The following DOCK8 variants were observed in gnomAD, a reference collection of about 807,000 sequenced individuals.
DOCK8 encodes the protein dedicator of cytokinesis protein 8.
Under a neutral mutation model 245.6 loss-of-function variants are expected in DOCK8, and 141 were observed. The ratio of observed to expected loss-of-function variants is 0.57; its 90% confidence interval spans 0.50 to 0.66. The LOEUF is 0.66. Among genes scored for constraint, DOCK8 ranks in the 30% least tolerant of loss-of-function variants. DOCK8 has a pLI of 0.00. For synonymous variants in DOCK8, 1,168 were observed against 970.2 expected, an observed-to-expected ratio of 1.20 and a Z score of -3.79; for missense variants, 2,965 against 2,603.4, an observed-to-expected ratio of 1.14 and a Z score of -3.02.
At chr9:400,952 A>ACCCTCACCACCTTCT (rs1412533059) in intron 26 of DOCK8, among the ~76,000 whole-genome samples, 1 of 67,440 alleles carries the variant, frequency 1.5e-5, no homozygotes, top group Non-Finnish European at 3.6e-5. Context: ...CACCATCACC[A>ACCCTCACCACCTTCT]CCACCACCAC....
chr9:255,667 CCAAA>C (rs1340196021), intron 1 of DOCK8, among the ~76,000 whole-genome samples: 6 of 41,302 alleles, frequency 1.5e-4, no homozygotes, highest in African/African-American at 4.6e-4. Flanking sequence ...GACTCCATCT[CCAAA>C]AAAAAAAAAA....
rs188066644 is a variant in DOCK8 at position 340,380 on chromosome 9, G to A, written c.1679+59G>A. 1.7e-3 allele frequency: 2,682 copies of A among 1,605,716 alleles called. 6 individuals are homozygous for A. The highest frequency in any genetic ancestry group is 2.0e-3 in the Non-Finnish European group (2,358 of 1,175,534). The stretch of plus-strand genomic sequence containing the variant: ...CTTACACCATAATCCCATAACTTTG[G>A]GAGGCCGAGGCAGGAGGATTGCTTG... On this transcript the variant is annotated intron_variant, in intron 14 of 47. Transcript: ENST00000432829.
In DOCK8 at chr9:428,486, T is replaced by G. The variant is rs2056582767; in HGVS notation, c.4463T>G (p.Leu1488Arg). ...LTHCFATLRA[L>R]IAKFGDLLFE... is the part of the protein sequence containing the mutation. Reference sequence around the variant, plus strand: ...CACTGCTTTGCAACACTCCGTGCTCTCATCGCCAAGGTAAACTTGGGATGC... The same window carrying G: ...CACTGCTTTGCAACACTCCGTGCTCGCATCGCCAAGGTAAACTTGGGATGC... Residue 1488 changes from leucine to arginine, a missense_variant, in exon 35 of 48, where the codon CTC becomes CGC. Leu to Arg is a moderately radical substitution (Grantham distance 102). Coordinates refer to ENST00000432829, the MANE Select transcript of DOCK8 (RefSeq NM_203447.4). 6.2e-7 allele frequency: 1 copy of G among 1,614,082 alleles called. No homozygotes were observed. The highest frequency in any genetic ancestry group is 1.3e-5 in the African/African-American group (1 of 74,940).
intron 1 of DOCK8, among the ~76,000 whole-genome samples, chr9:258,167 C>T (rs11788897): frequency 0.021 from 3,168 of 152,320 alleles, 55 homozygotes; most frequent in South Asian, 0.048. Flanking sequence ...CCCCTTATAG[C>T]AAAGGCATGT....
intron 26 of DOCK8, among the ~76,000 whole-genome samples, chr9:400,024 TCCACCATCACCA>T (rs2054699675): frequency 3.9e-4 from 26 of 66,842 alleles, no homozygotes; most frequent in African/African-American, 1.9e-3. Context: ...CACCACCACC[TCCACCATCACCA>T]CCACCACCTC....
intron 33 of DOCK8, among the ~76,000 whole-genome samples, chr9:422,643 C>T (rs959496768): frequency 1.3e-5 from 2 of 152,086 alleles, no homozygotes; most frequent in African/African-American, 4.8e-5. Flanking sequence ...ATCTTAATGA[C>T]ATGGGGAAAT....
At chr9:347,062 C>T (rs1192192079) in intron 14 of DOCK8, among the ~76,000 whole-genome samples, 1 of 152,048 alleles carries the variant, frequency 6.6e-6, no homozygotes, top group Admixed American at 6.5e-5. Flanking sequence ...GTGTCCAGCC[C>T]CACCCTGAAG....
intron 1 of DOCK8, among the ~76,000 whole-genome samples, chr9:232,563 T>A (rs146688719): frequency 0.026 from 3,987 of 152,282 alleles, 66 homozygotes; most frequent in South Asian, 0.045. Context: ...GATTATTGCC[T>A]CAATTTCAGA....
chr9:215,491 T>C (rs1184809341), intron 1 of DOCK8: 7 of 1,459,778 alleles, frequency 4.8e-6, no homozygotes, highest in East Asian at 5.3e-5. Context: ...GCAAGCCTTC[T>C]GTCGTCCTGA....
intron 4 of DOCK8, among the ~76,000 whole-genome samples, chr9:297,979 T>A (rs1463350360): frequency 1.3e-5 from 2 of 152,220 alleles, no homozygotes; most frequent in African/African-American, 4.8e-5. Context: ...CTATTTGTCA[T>A]TGACTGTGGG....
intron 14 of DOCK8, among the ~76,000 whole-genome samples, chr9:354,736 G>A (rs530213471): frequency 6.6e-6 from 1 of 152,154 alleles, no homozygotes; most frequent in Admixed American, 6.5e-5. Context: ...TAAGCCAGAG[G>A]CTTCCTTAAG....
intron 1 of DOCK8, among the ~76,000 whole-genome samples, chr9:269,998 T>A (rs1374014438): frequency 6.6e-6 from 1 of 152,202 alleles, no homozygotes; most frequent in East Asian, 1.9e-4. Context: ...ACCAACAGCA[T>A]ATGCGTGCTC....
At chr9:408,597 A>G (rs1051804767) in intron 28 of DOCK8, among the ~76,000 whole-genome samples, 3 of 152,228 alleles carry the variant, frequency 2.0e-5, no homozygotes, top group African/African-American at 7.2e-5. Context: ...TTTGAACACA[A>G]AGAAAATTGC....
chr9:220,422 T>C (rs1587605325), intron 1 of DOCK8, among the ~76,000 whole-genome samples: 3 of 152,166 alleles, frequency 2.0e-5, no homozygotes, highest in South Asian at 4.1e-4. Context: ...TAACATGTAG[T>C]TGCCCAGGGA....
intron 23 of DOCK8, 127 bp from the exon 24 acceptor site, chr9:390,344 C>A: frequency 2.3e-6 from 2 of 855,578 alleles, no homozygotes; most frequent in South Asian, 1.4e-5. Flanking sequence ...CTGCCTAGAA[C>A]ATCTAAGACA....
chr9:329,870 A>T (rs1030000506), intron 9 of DOCK8, among the ~76,000 whole-genome samples: 1 of 152,264 alleles, frequency 6.6e-6, no homozygotes, highest in Non-Finnish European at 1.5e-5. Context: ...TGGCATAACA[A>T]ACATACTAAA....
At chr9:342,889 A>G (rs1259129383) in intron 14 of DOCK8, among the ~76,000 whole-genome samples, 1 of 152,228 alleles carries the variant, frequency 6.6e-6, no homozygotes, top group Non-Finnish European at 1.5e-5. Flanking sequence ...ACTATGAAGT[A>G]AGATTTTTTG....
intron 2 of DOCK8, among the ~76,000 whole-genome samples, chr9:278,495 C>A (rs182908239): frequency 5.9e-5 from 9 of 152,318 alleles, no homozygotes; most frequent in Non-Finnish European, 2.9e-5. Flanking sequence ...TAGAGTTTGC[C>A]TTTCAGAATG....
intron 42 of DOCK8, 63 bp downstream of exon 42, chr9:442,072 C>A: frequency 6.3e-7 from 1 of 1,597,272 alleles, no homozygotes; most frequent in South Asian, 1.1e-5. Context: ...TAGAGTGGGT[C>A]ATCACCAAAA....
Sources: allele counts gnomAD v4.1 joint callset (sites outside exome capture counted in the v4.1 genomes callset), GRCh38; gene constraint gnomAD v4.1.1; transcripts MANE v1.5; gene names NCBI Gene and HGNC (gene_info 2026-07-23, HGNC 2026-07-21).